Variants in PRKN observed in about 807,000 individuals in gnomAD.
PRKN encodes parkin RBR E3 ubiquitin protein ligase.
In PRKN, 56 loss-of-function variants were observed where a neutral mutation model predicts 59.5. The ratio of observed to expected loss-of-function variants is 0.94; its 90% CI spans 0.76 to 1.18. PRKN has a LOEUF of 1.18. Ranked by LOEUF, PRKN falls within the 50% of genes most tolerant of loss-of-function variation. The pLI is 0.00. For missense variants in PRKN, 657 were observed against 596.4 expected (o/e 1.10, Z -1.06); for synonymous variants, 250 against 222.1 (o/e 1.13, Z -1.12).
chr6:161,853,054 T>C (rs567939131), intron 6 of PRKN, among the ~76,000 whole-genome samples: 40 of 152,310 alleles, frequency 2.6e-4, no homozygotes, highest in African/African-American at 9.4e-4. Flanking sequence ...ATATATTTGA[T>C]GGAAAAGTGC....
intron 2 of PRKN, among the ~76,000 whole-genome samples, chr6:162,344,150 G>A (rs958998471): frequency 4.6e-5 from 7 of 152,130 alleles, no homozygotes; most frequent in South Asian, 2.1e-4. Flanking sequence ...GTGTATAAAC[G>A]TGGCTCAGTC....
chr6:162,353,781 C>T (rs1784723066), intron 2 of PRKN, among the ~76,000 whole-genome samples: 1 of 152,080 alleles, frequency 6.6e-6, no homozygotes, highest in Non-Finnish European at 1.5e-5. Flanking sequence ...GTTGTAGTGT[C>T]CTCATCTGTG....
chr6:162,115,467 C>T (rs1412705336), intron 4 of PRKN, among the ~76,000 whole-genome samples: 1 of 150,198 alleles, frequency 6.7e-6, no homozygotes, highest in Non-Finnish European at 1.5e-5. Flanking sequence ...GCACATTGTG[C>T]ACATGTACCC....
chr6:162,432,585 G>C (rs1039929290), intron 2 of PRKN, among the ~76,000 whole-genome samples: 1 of 152,054 alleles, frequency 6.6e-6, no homozygotes, highest in Non-Finnish European at 1.5e-5. Context: ...AACACAAAAA[G>C]ATTAGTATGT....
intron 1 of PRKN, among the ~76,000 whole-genome samples, chr6:162,717,138 A>G (rs945126987): frequency 5.3e-5 from 8 of 152,202 alleles, no homozygotes; most frequent in Non-Finnish European, 1.2e-4. Context: ...GGAGAAGGCA[A>G]TGTGACCACA....
chr6:162,173,229 G>A (rs1217474797), intron 4 of PRKN, among the ~76,000 whole-genome samples: 1 of 152,136 alleles, frequency 6.6e-6, no homozygotes, highest in Non-Finnish European at 1.5e-5. Context: ...CTAGTGGCCT[G>A]TACACTGGTC....
rs1370537905 is a variant in PRKN, at chr6:161,468,545, A to T, written c.1083+80309T>A. On this transcript the variant is annotated intron_variant, in intron 9 of 11. Transcript: ENST00000366898. The surrounding 1 kb of genome is among the most constrained non-coding windows in gnomAD (Gnocchi z 5.9). Reference sequence around the variant, plus strand: ...AACATGTTTAGAAACTTAAAAATGCATTCATCCTTTACTGAAATCTGCCCA... The same window carrying T: ...AACATGTTTAGAAACTTAAAAATGCTTTCATCCTTTACTGAAATCTGCCCA... Among the ~76,000 whole-genome samples the T allele has an allele frequency of 6.6e-6, 1 of 152,206 alleles. No individual in the cohort carries two copies. Among genetic ancestry groups the T allele is most frequent in the African/African-American group, 2.4e-5 (1 of 41,456 alleles).
intron 7 of PRKN, among the ~76,000 whole-genome samples, chr6:161,606,636 A>C (rs772731458): frequency 1.1e-4 from 16 of 152,236 alleles, no homozygotes; most frequent in Non-Finnish European, 1.8e-4. Flanking sequence ...AACCTACTGT[A>C]TTTAGCAGAG....
rs2128286144 is a variant in PRKN at position 162,056,098 on chromosome 6, C to T, written c.535-1924G>A. Among the ~76,000 whole-genome samples the T allele has an allele frequency of 2.0e-5, 3 of 150,972 alleles. 1 individual carries two copies. In the South Asian group the frequency reaches 6.3e-4, roughly 32 times the overall value. On this transcript the variant is annotated intron_variant, in intron 4 of 11. Coordinates refer to ENST00000366898, the MANE Select transcript of PRKN (RefSeq NM_004562.3). This position sits in a 1 kb window ranked among gnomAD's most constrained non-coding sequence, Gnocchi z 4.9. The stretch of plus-strand genomic sequence containing the variant: ...ACACACATCCCACACACCTCACACA[C>T]CCCACACACATATACCCACATGCAT...
At chr6:162,146,397 C>T (rs949001692) in intron 4 of PRKN, among the ~76,000 whole-genome samples, 16 of 151,260 alleles carry the variant, frequency 1.1e-4, no homozygotes, top group African/African-American at 3.7e-4. Flanking sequence ...CTTTGGAAAT[C>T]ATGTAAGAAA....
chr6:161,883,508 G>A (rs940610487), intron 6 of PRKN, among the ~76,000 whole-genome samples: 5 of 149,940 alleles, frequency 3.3e-5, no homozygotes, highest in Non-Finnish European at 7.4e-5. Flanking sequence ...GGGAAGGGAA[G>A]GTGGGGAGGG....
chr6:162,449,922 G>A (rs1348730899), intron 1 of PRKN, among the ~76,000 whole-genome samples: 2 of 152,196 alleles, frequency 1.3e-5, no homozygotes, highest in African/African-American at 4.8e-5. Context: ...GAGAAGTACA[G>A]TTACGTAAAG....
At chr6:161,555,797 T>C (rs916074559) in intron 8 of PRKN, among the ~76,000 whole-genome samples, 14 of 152,290 alleles carry the variant, frequency 9.2e-5, no homozygotes, top group Admixed American at 4.6e-4. Flanking sequence ...GTCAATAGTT[T>C]GTGGACAGTA....
At chr6:162,188,329 T>C (rs935874577) in intron 4 of PRKN, among the ~76,000 whole-genome samples, 5 of 152,164 alleles carry the variant, frequency 3.3e-5, no homozygotes, top group African/African-American at 1.2e-4. Flanking sequence ...TGACCAACCC[T>C]GGTGATAAGC....
At chr6:162,523,952 C>T (rs936030987) in intron 1 of PRKN, among the ~76,000 whole-genome samples, 5 of 152,100 alleles carry the variant, frequency 3.3e-5, no homozygotes, top group Non-Finnish European at 5.9e-5. Flanking sequence ...ATAAGCACAA[C>T]GGCTAGATTT....
chr6:162,545,827 G>T (rs181983520), intron 1 of PRKN, among the ~76,000 whole-genome samples: 122 of 152,118 alleles, frequency 8.0e-4, no homozygotes, highest in Non-Finnish European at 1.3e-3. Context: ...TTTCTCCTCC[G>T]AATTGGTAAT....
At chr6:161,621,195 C>A (rs927579218) in intron 7 of PRKN, among the ~76,000 whole-genome samples, 1 of 152,066 alleles carries the variant, frequency 6.6e-6, no homozygotes, top group African/African-American at 2.4e-5. Flanking sequence ...TAGGATAGAT[C>A]TTTAGGTAGA....
At chr6:162,021,351 C>G (rs1034169993) in intron 5 of PRKN, among the ~76,000 whole-genome samples, 12 of 146,356 alleles carry the variant, frequency 8.2e-5, no homozygotes, top group Non-Finnish European at 1.6e-4. Context: ...TTGGTCAGTA[C>G]AAATTCAAGG....
intron 6 of PRKN, among the ~76,000 whole-genome samples, chr6:161,868,363 G>A (rs989093132): frequency 6.6e-6 from 1 of 151,894 alleles, no homozygotes; most frequent in Non-Finnish European, 1.5e-5. Flanking sequence ...TGGATCACTC[G>A]AAGCTAGGAG....
Sources: gnomAD v4.1 joint callset for allele counts (sites outside exome capture counted in the v4.1 genomes callset) on GRCh38, gnomAD v4.1.1 for gene constraint, Gnocchi (gnomAD v3.1) non-coding constraint, MANE v1.5 for transcripts, NCBI Gene and HGNC (gene_info 2026-07-23, HGNC 2026-07-21) for gene names.